Variants in PPM1E observed in about 807,000 individuals in gnomAD.
PPM1E encodes protein phosphatase, Mg2+/Mn2+ dependent 1E, also known as protein phosphatase 1E.
PPM1E carries 20 observed loss-of-function variants against 65.9 expected under a neutral mutation model. That is an observed-to-expected ratio of 0.30 (90% CI 0.21 to 0.44). The LOEUF is 0.44. PPM1E is among the 20% of genes least tolerant of loss of function. PPM1E has a pLI of 1.00. For synonymous variants in PPM1E, 352 were observed against 374.9 expected, an observed-to-expected ratio of 0.94 and a Z score of 0.70; for missense variants, 713 against 953.1, an observed-to-expected ratio of 0.75 and a Z score of 3.32.
chr17:58,930,810 G>A (rs1387239650), intron 1 of PPM1E, among the ~76,000 whole-genome samples: 3 of 152,214 alleles, frequency 2.0e-5, no homozygotes, highest in Admixed American at 6.5e-5. Context: ...GGAATAGAGA[G>A]CCAATGTAAG....
intron 1 of PPM1E, among the ~76,000 whole-genome samples, chr17:58,767,227 A>G (rs1051173069): frequency 5.3e-5 from 8 of 152,208 alleles, no homozygotes; most frequent in African/African-American, 1.9e-4. Context: ...TTTTATATTT[A>G]TTACCTCTTT....
rs2052169618 is a variant in PPM1E, at chr17:58,947,235, T to C, written c.465-8414T>C. Among the ~76,000 whole-genome samples, 3 of 33,984 alleles carry C rather than the reference T, an allele frequency of 8.8e-5. No homozygotes were observed. In the South Asian group the frequency reaches 3.1e-3, roughly 35 times the overall value. The allele number at this position is 33,984 out of a possible 152,430, so 22.3% of individuals were successfully genotyped here. ...CAAGTGTGAGCCACACTCCTGGCCTTTTTTTTTTTTTTTTTTTTTTTGAGA... is the reference window on the plus strand; with the variant it reads ...CAAGTGTGAGCCACACTCCTGGCCTCTTTTTTTTTTTTTTTTTTTTTGAGA... On this transcript the variant is annotated intron_variant, in intron 1 of 6. Transcript: ENST00000308249.
chr17:58,756,731 G>C (rs1240165184), intron 1 of PPM1E, among the ~76,000 whole-genome samples: 1 of 151,928 alleles, frequency 6.6e-6, no homozygotes, highest in Non-Finnish European at 1.5e-5. Flanking sequence ...CCTCCCGCCG[G>C]GCCCGGGCCC....
At chr17:58,865,141 G>A (rs753194112) in intron 1 of PPM1E, among the ~76,000 whole-genome samples, 2 of 152,154 alleles carry the variant, frequency 1.3e-5, no homozygotes, top group Non-Finnish European at 2.9e-5. Flanking sequence ...TGTAATCCCA[G>A]CACTTTGGGA....
chr17:58,921,886 A>C lies in PPM1E; in HGVS notation c.465-33763A>C, dbSNP rs1031364281. On this transcript the variant is annotated intron_variant, in intron 1 of 6. Coordinates refer to ENST00000308249, the MANE Select transcript of PPM1E (RefSeq NM_014906.5). ...TAAAACCCCATCTCTACTAAAAATA[A>C]AAAATTAGCCGGGTGTGGTGGCACG... Among the ~76,000 whole-genome samples, 5 of 151,678 alleles carry C rather than the reference A, an allele frequency of 3.3e-5. No homozygotes were observed. In the South Asian group the frequency reaches 1.0e-3, roughly 32 times the overall value.
intron 6 of PPM1E, among the ~76,000 whole-genome samples, chr17:58,977,852 C>T (rs1381941990): frequency 6.6e-6 from 1 of 152,186 alleles, no homozygotes; most frequent in Non-Finnish European, 1.5e-5. Flanking sequence ...AAACAATTCT[C>T]CTGCCTCAGC....
chr17:58,888,362 C>CTTT (rs71367642), intron 1 of PPM1E, among the ~76,000 whole-genome samples: 2,044 of 104,366 alleles, frequency 0.02, 55 homozygotes, highest in Middle Eastern at 0.055. Context: ...ACTCTTCTCT[C>CTTT]TTTTTTTTTT....
chr17:58,888,360 CTCTT>C (rs1159801407), intron 1 of PPM1E, among the ~76,000 whole-genome samples: 5 of 119,634 alleles, frequency 4.2e-5, no homozygotes, highest in African/African-American at 1.4e-4. Context: ...GGACTCTTCT[CTCTT>C]TTTTTTTTTT....
chr17:58,779,116 A>G (rs2050026811), intron 1 of PPM1E, among the ~76,000 whole-genome samples: 1 of 151,428 alleles, frequency 6.6e-6, no homozygotes, highest in Non-Finnish European at 1.5e-5. Context: ...TTAAGGCCAC[A>G]TGTACATATT....
intron 1 of PPM1E, among the ~76,000 whole-genome samples, chr17:58,948,817 A>G (rs2052198022): frequency 6.6e-6 from 1 of 152,164 alleles, no homozygotes; most frequent in South Asian, 2.1e-4. Context: ...GTATTTGTGT[A>G]ATTTTGAATG....
chr17:58,781,980 GT>G (rs936445721), intron 1 of PPM1E, among the ~76,000 whole-genome samples: 9 of 151,998 alleles, frequency 5.9e-5, no homozygotes, highest in South Asian at 2.1e-4. Context: ...TATGTTTTAA[GT>G]TTTTTTTCCA....
intron 1 of PPM1E, among the ~76,000 whole-genome samples, chr17:58,886,553 CTT>C (rs2051267297): frequency 6.6e-6 from 1 of 152,184 alleles, no homozygotes; most frequent in Admixed American, 6.6e-5. Context: ...TAGAAACAGA[CTT>C]TACTCAGCCA....
Position 58,983,178 on chromosome 17 carries a change from C to G in PPM1E, c.*2147C>G, listed in dbSNP as rs2031475846. On this transcript the variant is annotated 3_prime_UTR_variant, in exon 7 of 7. Transcript: ENST00000308249. The stretch of plus-strand genomic sequence containing the variant: ...TCTGGATTTTGTAGGTCCGACTACA[C>G]AGCAGTGTTAACTCATTTCTCATGC... The G allele has an allele frequency of 9.8e-6, 4 of 409,978 alleles. No individual in the cohort carries two copies. The East Asian group carries it at 1.5e-4, about 16-fold the overall frequency. The allele number at this position is 409,978 out of a possible 1,614,324, so 25.4% of individuals were successfully genotyped here.
chr17:58,931,318 G>A (rs1230154883), intron 1 of PPM1E, among the ~76,000 whole-genome samples: 2 of 151,820 alleles, frequency 1.3e-5, no homozygotes, highest in South Asian at 2.1e-4. Flanking sequence ...CCCGGGAGGC[G>A]GAGGTTGCGG....
chr17:58,810,033 C>A (rs1037442875), intron 1 of PPM1E, among the ~76,000 whole-genome samples: 15 of 151,924 alleles, frequency 9.9e-5, no homozygotes, highest in Non-Finnish European at 1.9e-4. Flanking sequence ...ATTTTACAGT[C>A]TTTTTTTGTA....
At chr17:58,876,847 G>A (rs2051132383) in intron 1 of PPM1E, among the ~76,000 whole-genome samples, 1 of 152,014 alleles carries the variant, frequency 6.6e-6, no homozygotes, top group South Asian at 2.1e-4. Context: ...GCAGTGGCGC[G>A]ATCTCGGCTC....
At chr17:58,857,409 A>G (rs2050894710) in intron 1 of PPM1E, among the ~76,000 whole-genome samples, 1 of 152,156 alleles carries the variant, frequency 6.6e-6, no homozygotes, top group African/African-American at 2.4e-5. Flanking sequence ...AGCAGTTTTA[A>G]TCAGACTGAG....
chr17:58,934,350 G>A (rs1241377835), intron 1 of PPM1E, among the ~76,000 whole-genome samples: 1 of 151,986 alleles, frequency 6.6e-6, no homozygotes, highest in Admixed American at 6.6e-5. Context: ...TTATTTATTT[G>A]GTATTAATTA....
chr17:58,852,772 T>A (rs536816919), intron 1 of PPM1E, among the ~76,000 whole-genome samples: 1 of 152,080 alleles, frequency 6.6e-6, no homozygotes, highest in South Asian at 2.1e-4. Flanking sequence ...TCCAGCTAAT[T>A]TTTATATTTT....
Sources: allele counts gnomAD v4.1 joint callset (sites outside exome capture counted in the v4.1 genomes callset), GRCh38; gene constraint gnomAD v4.1.1; transcripts MANE v1.5; gene names NCBI Gene and HGNC (gene_info 2026-07-23, HGNC 2026-07-21).